CSMD1: variants seen among roughly 807,000 people sequenced by gnomAD.
The protein encoded by CSMD1 is CUB and sushi domain-containing protein 1.
A neutral mutation model predicts 417.5 loss-of-function variants in CSMD1; 213 were observed. That is an observed-to-expected ratio of 0.51 (90% CI 0.46 to 0.57). The LOEUF is 0.57. Ranked by LOEUF, CSMD1 falls within the 20% of genes least tolerant of loss-of-function variation. CSMD1 has a pLI of 0.00. For synonymous variants in CSMD1, 2,862 were observed against 1,736.8 expected (o/e 1.65, Z -16.11); for missense variants, 6,923 against 4,529.7 (o/e 1.53, Z -15.17).
In CSMD1 at chr8:4,337,943, A is replaced by G. The variant is rs560138276; in HGVS notation, c.415+82010T>C. On this transcript the variant is annotated intron_variant, in intron 3 of 69. Transcript: ENST00000635120. Reference sequence around the variant, plus strand: ...ATCGTTTATCATTTAATGATATCGCATTTCTCAACCTTTTTAAATATCAGT... The same window carrying G: ...ATCGTTTATCATTTAATGATATCGCGTTTCTCAACCTTTTTAAATATCAGT... Among the ~76,000 whole-genome samples the G allele has an allele frequency of 5.3e-5, 8 of 152,270 alleles. No individual in the cohort carries two copies. The South Asian group carries it at 1.7e-3, about 32-fold the overall frequency.
At position 4,189,631 on chromosome 8, in the gene CSMD1, G is replaced by C. The variant is rs998746449; in HGVS notation, c.416-157532C>G. Among the ~76,000 whole-genome samples the C allele has an allele frequency of 4.6e-5, 7 of 152,252 alleles. No individual in the cohort carries two copies. In the East Asian group the frequency reaches 7.7e-4, roughly 17 times the overall value. ...GAAAATGGCAAAGACCCCTAGCAAA[G>C]ACCCTTCTACTGATGTTCTAAACCC... On this transcript the variant is annotated intron_variant, in intron 3 of 69. Transcript: ENST00000635120.
chr8:3,609,677 T>G (rs3110304), intron 8 of CSMD1, among the ~76,000 whole-genome samples: 1 of 151,132 alleles, frequency 6.6e-6, no homozygotes, highest in African/African-American at 2.4e-5. Flanking sequence ...TCTACGCATC[T>G]TGGCCTTGTT....
At chr8:4,704,337 A>T (rs1458104348) in intron 1 of CSMD1, among the ~76,000 whole-genome samples, 1 of 152,228 alleles carries the variant, frequency 6.6e-6, no homozygotes, top group Non-Finnish European at 1.5e-5. Context: ...CTCACAAATC[A>T]GTTGTCTGGG....
At chr8:4,749,578 T>A (rs1441435488) in intron 1 of CSMD1, among the ~76,000 whole-genome samples, 1 of 152,228 alleles carries the variant, frequency 6.6e-6, no homozygotes, top group Non-Finnish European at 1.5e-5. Context: ...CAGGAAAATG[T>A]CAATGATCTT....
At chr8:4,132,829 TAGAC>T (rs1180457194) in intron 3 of CSMD1, among the ~76,000 whole-genome samples, 7 of 152,224 alleles carry the variant, frequency 4.6e-5, no homozygotes, top group Non-Finnish European at 8.8e-5. Flanking sequence ...ATGCAGATGA[TAGAC>T]AGTTTGTAGC....
At chr8:4,463,673 C>G (rs1249287571) in intron 2 of CSMD1, among the ~76,000 whole-genome samples, 1 of 152,128 alleles carries the variant, frequency 6.6e-6, no homozygotes, top group Non-Finnish European at 1.5e-5. Flanking sequence ...TACCATTGCA[C>G]TTACATTAAA....
intron 41 of CSMD1, among the ~76,000 whole-genome samples, chr8:3,137,290 G>A (rs957902940): frequency 6.6e-6 from 1 of 152,194 alleles, no homozygotes; most frequent in African/African-American, 2.4e-5. Context: ...TTAATTTAAT[G>A]AGGAAGCCGG....
chr8:4,370,036 T>C (rs1482018075), intron 3 of CSMD1, among the ~76,000 whole-genome samples: 1 of 152,128 alleles, frequency 6.6e-6, no homozygotes, highest in Non-Finnish European at 1.5e-5. Context: ...AGTTGATTTA[T>C]AATGTCAATG....
chr8:3,140,061 T>A (rs1818342734), intron 41 of CSMD1, among the ~76,000 whole-genome samples: 1 of 152,094 alleles, frequency 6.6e-6, no homozygotes, highest in East Asian at 1.9e-4. Context: ...TGCCATCATG[T>A]GCCGGCTAAT....
chr8:3,389,122 A>C (rs1272951864), intron 17 of CSMD1, among the ~76,000 whole-genome samples: 1 of 152,062 alleles, frequency 6.6e-6, no homozygotes, highest in Non-Finnish European at 1.5e-5. Flanking sequence ...TTGTTTGTTT[A>C]CTTTTATTTT....
Position 4,189,367 on chromosome 8 carries a change from A to T in CSMD1, c.416-157268T>A, listed in dbSNP as rs73658445. 2.5e-3 allele frequency among the ~76,000 whole-genome samples: 376 copies of T among 152,342 alleles called. 3 individuals are homozygous for T. The highest frequency in any genetic ancestry group is 8.7e-3 in the African/African-American group (362 of 41,576). On this transcript the variant is annotated intron_variant, in intron 3 of 69. Coordinates refer to ENST00000635120, the MANE Select transcript of CSMD1 (RefSeq NM_033225.6). ...AGGAATAATGATAATAAATAATATT[A>T]ATAAGCCATGAATATTCTAACTCTA...
intron 41 of CSMD1, among the ~76,000 whole-genome samples, chr8:3,134,502 G>C (rs1250315585): frequency 1.3e-5 from 2 of 152,212 alleles, no homozygotes; most frequent in African/African-American, 2.4e-5. Context: ...TCAGGTGTCA[G>C]GTCCAAAACG....
intron 3 of CSMD1, among the ~76,000 whole-genome samples, chr8:4,385,413 C>A (rs1404872883): frequency 1.3e-5 from 2 of 152,162 alleles, no homozygotes; most frequent in African/African-American, 4.8e-5. Context: ...CATGCACTTG[C>A]TACAGCACTG....
At chr8:3,768,772 A>G (rs906777029) in intron 5 of CSMD1, among the ~76,000 whole-genome samples, 4 of 152,352 alleles carry the variant, frequency 2.6e-5, no homozygotes, top group Non-Finnish European at 5.9e-5. Context: ...ACACTCTCAG[A>G]AATCGTAAGG....
intron 2 of CSMD1, among the ~76,000 whole-genome samples, chr8:4,607,665 C>G (rs559216218): frequency 1.6e-4 from 25 of 152,046 alleles, no homozygotes; most frequent in Non-Finnish European, 3.2e-4. Flanking sequence ...ACTACACTTC[C>G]AAAAAATTTC....
intron 42 of CSMD1, among the ~76,000 whole-genome samples, chr8:3,111,565 C>T (rs1816517438): frequency 6.6e-6 from 1 of 152,112 alleles, no homozygotes; most frequent in South Asian, 2.1e-4. Flanking sequence ...GGCACGGTGG[C>T]TCACTTCTGT....
intron 3 of CSMD1, among the ~76,000 whole-genome samples, chr8:4,404,354 G>C (rs545816948): frequency 5.3e-5 from 8 of 152,212 alleles, no homozygotes; most frequent in African/African-American, 1.2e-4. Flanking sequence ...ACCCATGAGC[G>C]CAGGGATTTT....
intron 3 of CSMD1, among the ~76,000 whole-genome samples, chr8:4,165,560 C>G (rs530117405): frequency 6.6e-6 from 1 of 152,118 alleles, no homozygotes; most frequent in Non-Finnish European, 1.5e-5. Flanking sequence ...CACCACCATG[C>G]CCAGCTAATT....
chr8:3,364,493 A>G (rs896709822), intron 20 of CSMD1, among the ~76,000 whole-genome samples: 3 of 152,188 alleles, frequency 2.0e-5, no homozygotes, highest in African/African-American at 7.2e-5. Flanking sequence ...TTGTTTGTGC[A>G]AGTAGTTTAT....
Sources: gnomAD v4.1 joint callset for allele counts (sites outside exome capture counted in the v4.1 genomes callset) on GRCh38, gnomAD v4.1.1 for gene constraint, MANE v1.5 for transcripts, NCBI Gene and HGNC (gene_info 2026-07-23, HGNC 2026-07-21) for gene names.